DCLK1: variants seen among roughly 807,000 people sequenced by gnomAD.
DCLK1 encodes the protein doublecortin like kinase 1, also known as serine/threonine-protein kinase DCLK1.
DCLK1 carries 16 observed loss-of-function variants against 86.2 expected under a neutral mutation model. That is an observed-to-expected ratio of 0.19 (90% CI 0.13 to 0.28). DCLK1 has a LOEUF of 0.28. Among genes scored for constraint, DCLK1 ranks in the 10% least tolerant of loss-of-function variants. The pLI, the probability that DCLK1 is intolerant of heterozygous loss-of-function variation, is 1.00. For synonymous variants in DCLK1, 369 were observed against 370.5 expected (o/e 1.00, Z 0.05); for missense variants, 590 against 940.2 (o/e 0.63, Z 4.87).
intron 11 of DCLK1, among the ~76,000 whole-genome samples, chr13:35,819,130 C>A (rs956933354): frequency 1.3e-5 from 2 of 152,136 alleles, no homozygotes; most frequent in African/African-American, 2.4e-5. Context: ...GCATGACAAC[C>A]AGTAAAGCAA....
chr13:35,879,335 TC>T (rs1287208547), intron 4 of DCLK1, among the ~76,000 whole-genome samples: 2 of 152,146 alleles, frequency 1.3e-5, no homozygotes, highest in African/African-American at 4.8e-5. Flanking sequence ...TGCACGGGGC[TC>T]TAGAGGCACT....
At chr13:36,001,860 C>T (rs1024808642) in intron 3 of DCLK1, among the ~76,000 whole-genome samples, 1 of 152,078 alleles carries the variant, frequency 6.6e-6, no homozygotes, top group African/African-American at 2.4e-5. Context: ...AATGAAAGCC[C>T]ATCATTGTAC....
At chr13:36,101,625 A>C (rs1393735495) in intron 3 of DCLK1, among the ~76,000 whole-genome samples, 1 of 152,130 alleles carries the variant, frequency 6.6e-6, no homozygotes, top group Non-Finnish European at 1.5e-5. Context: ...TTGAAATCAC[A>C]TTCTGACTCA....
At chr13:35,839,225 G>A (rs2153107962) in intron 6 of DCLK1, 49 bp from the exon 7 acceptor site, 1 of 1,498,872 alleles carries the variant, frequency 6.7e-7, no homozygotes, top group Non-Finnish European at 9.1e-7. Flanking sequence ...CAGAATGCCT[G>A]AGTTTCCAGG....
intron 3 of DCLK1, among the ~76,000 whole-genome samples, chr13:36,023,700 C>T (rs1881889156): frequency 6.6e-6 from 1 of 151,876 alleles, no homozygotes; most frequent in Non-Finnish European, 1.5e-5. Context: ...GTAGAAAAAC[C>T]ATCTGAGAAA....
At chr13:36,120,523 A>G (rs1292713934) in intron 2 of DCLK1, among the ~76,000 whole-genome samples, 2 of 152,206 alleles carry the variant, frequency 1.3e-5, no homozygotes, top group Non-Finnish European at 2.9e-5. Flanking sequence ...TGTTTGTGTA[A>G]GTACACTCTA....
At chr13:35,806,950 ATGTCTGAGGGGT>A (rs1207474206) in intron 14 of DCLK1, among the ~76,000 whole-genome samples, 6 of 152,242 alleles carry the variant, frequency 3.9e-5, no homozygotes, top group Admixed American at 3.9e-4. Context: ...CAAAGTGGTC[ATGTCTGAGGGGT>A]TGGCTTTTAA....
At chr13:35,934,716 T>C (rs1383250183) in intron 4 of DCLK1, among the ~76,000 whole-genome samples, 2 of 152,158 alleles carry the variant, frequency 1.3e-5, no homozygotes, top group African/African-American at 2.4e-5. Context: ...CATATCAGTA[T>C]GTCTGTGTGT....
At chr13:35,905,555 A>G (rs1236645032) in intron 4 of DCLK1, among the ~76,000 whole-genome samples, 1 of 152,120 alleles carries the variant, frequency 6.6e-6, no homozygotes, top group African/African-American at 2.4e-5. Context: ...GCAAGCCACA[A>G]CTCTGAGACT....
intron 3 of DCLK1, among the ~76,000 whole-genome samples, chr13:36,086,585 A>G (rs1331743022): frequency 2.6e-5 from 4 of 151,654 alleles, no homozygotes; most frequent in African/African-American, 9.7e-5. Context: ...TAAGCCCCAC[A>G]TGCATTAGGT....
At chr13:36,001,244 G>A (rs1880702899) in intron 3 of DCLK1, among the ~76,000 whole-genome samples, 1 of 152,182 alleles carries the variant, frequency 6.6e-6, no homozygotes, top group East Asian at 1.9e-4. Flanking sequence ...CACCGCGCCT[G>A]GCCGCATAAC....
chr13:35,939,409 TTTTG>T (rs754543820), intron 4 of DCLK1, among the ~76,000 whole-genome samples: 5 of 152,222 alleles, frequency 3.3e-5, no homozygotes, highest in Non-Finnish European at 7.3e-5. Flanking sequence ...GTTGTTTGGC[TTTTG>T]TTTATTTGTT....
At chr13:35,911,598 C>A (rs1230834099) in intron 4 of DCLK1, among the ~76,000 whole-genome samples, 1 of 152,138 alleles carries the variant, frequency 6.6e-6, no homozygotes, top group Non-Finnish European at 1.5e-5. Flanking sequence ...AGGAGGCGGA[C>A]CTCTAGGACT....
chr13:35,790,915 C>T (rs1364029737), intron 16 of DCLK1, among the ~76,000 whole-genome samples: 2 of 152,084 alleles, frequency 1.3e-5, no homozygotes, highest in African/African-American at 4.8e-5. Flanking sequence ...AATGGTTATG[C>T]AATATAATTG....
At chr13:36,053,914 C>G (rs1320011485) in intron 3 of DCLK1, among the ~76,000 whole-genome samples, 2 of 151,920 alleles carry the variant, frequency 1.3e-5, no homozygotes, top group East Asian at 3.9e-4. Flanking sequence ...CTACCTGACA[C>G]AAAGGGAAAC....
intron 4 of DCLK1, among the ~76,000 whole-genome samples, chr13:35,911,627 C>T (rs979191655): frequency 6.6e-6 from 1 of 152,180 alleles, no homozygotes; most frequent in Non-Finnish European, 1.5e-5. Flanking sequence ...CTCTGCCACC[C>T]AGAACATTAC....
chr13:35,774,489 C>G lies in DCLK1; in HGVS notation c.*46G>C, dbSNP rs139135390. Reference sequence around the variant, plus strand: ...ACACAAATTTGGGGGAAAAAAATCTCAGAGTCTCAAAGGGTTAAGCTAGGA... The same window carrying G: ...ACACAAATTTGGGGGAAAAAAATCTGAGAGTCTCAAAGGGTTAAGCTAGGA... On this transcript the variant is annotated 3_prime_UTR_variant, in exon 17 of 17. Transcript: ENST00000360631. 80 of 1,541,808 alleles carry G rather than the reference C, an allele frequency of 5.2e-5. 1 individual carries two copies. In the African/African-American group the frequency reaches 7.9e-4, roughly 15 times the overall value.
intron 5 of DCLK1, chr13:35,869,112 A>T: frequency 2.0e-6 from 1 of 511,784 alleles, no homozygotes; most frequent in Non-Finnish European, 3.9e-6. Context: ...ATTTAATCAG[A>T]GAAAGTGAGA....
chr13:36,053,777 C>T (rs541409811), intron 3 of DCLK1, among the ~76,000 whole-genome samples: 1 of 152,094 alleles, frequency 6.6e-6, no homozygotes, highest in Admixed American at 6.6e-5. Flanking sequence ...TAAGCACAAA[C>T]ATTAAGGAAG....
Sources: allele counts gnomAD v4.1 joint callset (sites outside exome capture counted in the v4.1 genomes callset), GRCh38; gene constraint gnomAD v4.1.1; transcripts MANE v1.5; gene names NCBI Gene and HGNC (gene_info 2026-07-23, HGNC 2026-07-21).